Variants in ZNF292 observed in about 807,000 individuals in gnomAD.
ZNF292 encodes zinc finger protein 292.
In ZNF292, 26 loss-of-function variants were observed where a neutral mutation model predicts 217.9. That is an observed-to-expected ratio of 0.12 (90% confidence interval 0.09 to 0.17). The LOEUF (loss-of-function observed/expected upper bound fraction) is 0.17. Ranked by LOEUF, ZNF292 falls within the 10% of genes least tolerant of loss-of-function variation. The pLI is 1.00. For synonymous variants in ZNF292, 1,257 were observed against 1,124.1 expected, an observed-to-expected ratio of 1.12 and a Z score of -2.37; for missense variants, 2,904 against 3,175.2, an observed-to-expected ratio of 0.91 and a Z score of 2.05.
intron 1 of ZNF292, among the ~76,000 whole-genome samples, chr6:87,209,442 A>G (rs1772391000): frequency 6.6e-6 from 1 of 152,258 alleles, no homozygotes. Context: ...CTTAAAATAC[A>G]TTTTAATAAC....
At chr6:87,210,696 C>T (rs920295568) in intron 1 of ZNF292, among the ~76,000 whole-genome samples, 2 of 152,086 alleles carry the variant, frequency 1.3e-5, no homozygotes, top group Non-Finnish European at 2.9e-5. Context: ...AGGAGAATGG[C>T]GTGAACCCGG....
intron 1 of ZNF292, among the ~76,000 whole-genome samples, chr6:87,195,592 T>G (rs1771933708): frequency 6.6e-6 from 1 of 152,202 alleles, no homozygotes; most frequent in African/African-American, 2.4e-5. Context: ...AGTTTTCCTG[T>G]GACCGTTAAA....
intron 7 of ZNF292, 24 bp downstream of exon 7, chr6:87,245,668 A>G: frequency 1.4e-6 from 2 of 1,384,476 alleles, no homozygotes; most frequent in East Asian, 2.4e-5. Flanking sequence ...GAATATTTTT[A>G]AGGTTAAAAT....
In ZNF292 at chr6:87,260,808, T is replaced by C. The variant is rs767576448; in HGVS notation, c.7179T>C (p.Cys2393=). The C allele has an allele frequency of 1.2e-6, 2 of 1,613,100 alleles. No homozygotes were observed. Among genetic ancestry groups the C allele is most frequent in the East Asian group, 4.5e-5 (2 of 44,846 alleles). ...VTQYPCMIKG[C]TSVVTSESNI... ...AGTATCCATGTATGATAAAGGGATG[T>C]ACTTCAGTTGTTACAAGTGAAAGCA... The change falls in exon 8 of 8, where the codon TGT becomes TGC. Residue 2393 remains cysteine (C), a synonymous_variant. Coordinates refer to ENST00000369577, the MANE Select transcript of ZNF292 (RefSeq NM_015021.3).
At chr6:87,199,965 A>G (rs562273563) in intron 1 of ZNF292, among the ~76,000 whole-genome samples, 1 of 152,342 alleles carries the variant, frequency 6.6e-6, no homozygotes, top group South Asian at 2.1e-4. Context: ...CATGATAGAC[A>G]TACACAGTAG....
chr6:87,166,594 A>T (rs1430672156), intron 1 of ZNF292, among the ~76,000 whole-genome samples: 2 of 152,088 alleles, frequency 1.3e-5, no homozygotes. Context: ...TTCCAAGTAT[A>T]CCCTTCTCTG....
rs1343275988 is a variant in ZNF292, at chr6:87,218,642, T to G, written c.449T>G (p.Phe150Cys). 2 of 1,577,806 alleles carry G rather than the reference T, an allele frequency of 1.3e-6. No individual in the cohort carries two copies. Among genetic ancestry groups the G allele is most frequent in the Non-Finnish European group, 1.7e-6 (2 of 1,161,588 alleles). Residue 150 changes from phenylalanine to cysteine, a missense_variant, in exon 4 of 8, where the codon TTT becomes TGT. Coordinates refer to ENST00000369577, the MANE Select transcript of ZNF292 (RefSeq NM_015021.3). ...GAGAATGGCAGCTGTGAATTGCATTTTTTAGCTACTCTAGCTCAAGAGACT... is the reference window on the plus strand; with the variant it reads ...GAGAATGGCAGCTGTGAATTGCATTGTTTAGCTACTCTAGCTCAAGAGACT... Reference protein sequence around the residue: ...LMENGSCELHFLATLAQETGV... With the variant: ...LMENGSCELHCLATLAQETGV...
intron 1 of ZNF292, among the ~76,000 whole-genome samples, chr6:87,197,441 A>G (rs2127786979): frequency 6.8e-6 from 1 of 148,102 alleles, no homozygotes; most frequent in East Asian, 2.0e-4. Flanking sequence ...TTTTTTTTAA[A>G]GCATTAAGTA....
chr6:87,229,460 C>T (rs572021644), intron 4 of ZNF292, among the ~76,000 whole-genome samples: 129 of 152,082 alleles, frequency 8.5e-4, no homozygotes, highest in African/African-American at 2.7e-3. Context: ...AGTTTTTGCT[C>T]TTGTTGCCCA....
At chr6:87,244,305 A>G (rs1562170656) in intron 6 of ZNF292, among the ~76,000 whole-genome samples, 2 of 152,248 alleles carry the variant, frequency 1.3e-5, no homozygotes, top group South Asian at 4.1e-4. Context: ...GAAAAATAGT[A>G]TATGCAATAC....
In ZNF292 at chr6:87,256,408, ACTCCTC is replaced by A; in HGVS notation, c.2780_2785del (p.Thr927_Leu929delinsIle). On this transcript the variant is annotated inframe_deletion, in exon 8 of 8. Coordinates refer to ENST00000369577, the MANE Select transcript of ZNF292 (RefSeq NM_015021.3). ...AAATGGTTTGGAAAACCCTGCTACT[ACTCCTC>A]TACTTCAATCCAGTGAAGTAGCTGT... 1 of 1,607,240 alleles carries A rather than the reference ACTCCTC, an allele frequency of 6.2e-7. No individual in the cohort carries two copies. Among genetic ancestry groups the A allele is most frequent in the Non-Finnish European group, 8.5e-7 (1 of 1,179,766 alleles).
intron 1 of ZNF292, among the ~76,000 whole-genome samples, chr6:87,209,812 A>C (rs1348367603): frequency 6.6e-6 from 1 of 152,170 alleles, no homozygotes; most frequent in Non-Finnish European, 1.5e-5. Flanking sequence ...GAATATGGTG[A>C]ATGTCAGTAG....
At chr6:87,192,312 G>A (rs1286146728) in intron 1 of ZNF292, among the ~76,000 whole-genome samples, 2 of 151,104 alleles carry the variant, frequency 1.3e-5, no homozygotes, top group African/African-American at 4.9e-5. Context: ...GAACAATTCT[G>A]TTACTTTAAA....
chr6:87,184,690 C>T (rs1235972750), intron 1 of ZNF292, among the ~76,000 whole-genome samples: 1 of 152,114 alleles, frequency 6.6e-6, no homozygotes, highest in East Asian at 1.9e-4. Context: ...CCACAACAGT[C>T]CATCTGCAAG....
intron 4 of ZNF292, among the ~76,000 whole-genome samples, chr6:87,228,695 C>G (rs1018554526): frequency 2.6e-5 from 4 of 152,140 alleles, no homozygotes; most frequent in African/African-American, 9.7e-5. Flanking sequence ...TGTTCTTTCC[C>G]CATTGAGTCA....
chr6:87,184,435 C>T (rs1312607234), intron 1 of ZNF292, among the ~76,000 whole-genome samples: 1 of 147,410 alleles, frequency 6.8e-6, no homozygotes, highest in African/African-American at 2.5e-5. Flanking sequence ...TGTCTTTCAC[C>T]ATTAAGGAGC....
intron 1 of ZNF292, among the ~76,000 whole-genome samples, chr6:87,197,158 T>C (rs568122232): frequency 6.6e-6 from 1 of 152,250 alleles, no homozygotes; most frequent in East Asian, 1.9e-4. Context: ...CTAGAGGTAA[T>C]ACAGAGAAAG....
At chr6:87,253,407 T>C (rs1241712841) in intron 7 of ZNF292, among the ~76,000 whole-genome samples, 2 of 151,814 alleles carry the variant, frequency 1.3e-5, no homozygotes, top group East Asian at 3.9e-4. Context: ...TTTTGTACTT[T>C]TTATAGAGAT....
In ZNF292 at chr6:87,261,488, A is replaced by T. The variant is rs1233850251; in HGVS notation, c.7859A>T (p.Lys2620Ile). The change falls in exon 8 of 8, where the codon AAA (lysine) becomes ATA (isoleucine). Residue 2620 changes from lysine (K) to isoleucine (I), a missense_variant. Coordinates refer to ENST00000369577, the MANE Select transcript of ZNF292 (RefSeq NM_015021.3). ...TDKDHPNTGN[K>I]KGSHSNSRKN... ...AAAGACCATCCGAATACTGGAAACA[A>T]AAAAGGATCCCATTCAAATTCAAGA... The T allele has an allele frequency of 6.2e-7, 1 of 1,605,008 alleles. No individual in the cohort carries two copies. Among genetic ancestry groups the T allele is most frequent in the Non-Finnish European group, 8.5e-7 (1 of 1,175,152 alleles).
Sources: gnomAD v4.1 joint callset for allele counts (sites outside exome capture counted in the v4.1 genomes callset) on GRCh38, gnomAD v4.1.1 for gene constraint, MANE v1.5 for transcripts, NCBI Gene and HGNC (gene_info 2026-07-23, HGNC 2026-07-21) for gene names.